Variants in KCTD1 observed in about 807,000 individuals in gnomAD.
KCTD1 encodes the protein potassium channel tetramerization domain containing 1.
A neutral mutation model predicts 66.0 loss-of-function variants in KCTD1; 24 were observed. The ratio of observed to expected loss-of-function variants is 0.36; its 90% CI spans 0.26 to 0.51. The LOEUF is 0.51. Among genes scored for constraint, KCTD1 ranks in the 20% least tolerant of loss-of-function variants. The pLI, the probability that KCTD1 is intolerant of heterozygous loss-of-function variation, is 0.95. For missense variants in KCTD1, 943 were observed against 1,205.2 expected, an observed-to-expected ratio of 0.78 and a Z score of 3.22; for synonymous variants, 511 against 517.2, an observed-to-expected ratio of 0.99 and a Z score of 0.16.
intron 1 of KCTD1, among the ~76,000 whole-genome samples, chr18:26,528,091 CTCTGTG>C (rs1204755639): frequency 6.6e-6 from 1 of 152,186 alleles, no homozygotes; most frequent in African/African-American, 2.4e-5. Flanking sequence ...CATTGGTTCT[CTCTGTG>C]GTCTGAGAAA....
intron 1 of KCTD1, among the ~76,000 whole-genome samples, chr18:26,519,943 T>G (rs1983833832): frequency 6.6e-6 from 1 of 152,184 alleles, no homozygotes; most frequent in South Asian, 2.1e-4. Flanking sequence ...TCAATTCGGT[T>G]CAGTCTTAAT....
chr18:26,545,707 G>C (rs548081128), intron 1 of KCTD1: 2 of 151,914 alleles, frequency 1.3e-5, no homozygotes, highest in Admixed American at 1.3e-4. Flanking sequence ...CCTGGTTTCT[G>C]ACTCCTAGAC....
At chr18:26,528,380 A>C (rs956230984) in intron 1 of KCTD1, among the ~76,000 whole-genome samples, 1 of 152,182 alleles carries the variant, frequency 6.6e-6, no homozygotes, top group Non-Finnish European at 1.5e-5. Context: ...TTCTGAGTTT[A>C]AAGTCTATAA....
At chr18:26,553,927 A>G (rs1985637911) in intron 1 of KCTD1, among the ~76,000 whole-genome samples, 1 of 151,868 alleles carries the variant, frequency 6.6e-6, no homozygotes, top group East Asian at 1.9e-4. Context: ...GAACCACTTG[A>G]CCATATTCAG....
At chr18:26,636,633 A>G (rs960442201) in intron 1 of KCTD1, among the ~76,000 whole-genome samples, 1 of 152,206 alleles carries the variant, frequency 6.6e-6, no homozygotes, top group African/African-American at 2.4e-5. Context: ...CTTTTGCATC[A>G]ACGAATACCT....
At chr18:26,574,468 T>C (rs1986179557) in intron 1 of KCTD1, among the ~76,000 whole-genome samples, 2 of 152,216 alleles carry the variant, frequency 1.3e-5, no homozygotes, top group South Asian at 4.1e-4. Flanking sequence ...CAAAAAGTAA[T>C]TCTCAAGAGC....
intron 1 of KCTD1, among the ~76,000 whole-genome samples, chr18:26,527,082 G>T (rs2144763547): frequency 6.6e-6 from 1 of 152,164 alleles, no homozygotes; most frequent in South Asian, 2.1e-4. Flanking sequence ...AACTTAAAAA[G>T]CCAAAGCTTC....
chr18:26,632,180 T>G (rs1398862316), upstream of KCTD1, among the ~76,000 whole-genome samples: 1 of 150,184 alleles, frequency 6.7e-6, no homozygotes, highest in Non-Finnish European at 1.5e-5. Context: ...AGGTCAGGAG[T>G]TTGAGACCAG....
intron 1 of KCTD1, among the ~76,000 whole-genome samples, chr18:26,568,173 C>T (rs540189763): frequency 5.9e-5 from 9 of 152,284 alleles, no homozygotes; most frequent in South Asian, 2.1e-4. Context: ...GGAATTATCA[C>T]GAGGGAAAGA....
At chr18:26,503,116 G>C (rs917510220) in intron 1 of KCTD1, among the ~76,000 whole-genome samples, 3 of 152,182 alleles carry the variant, frequency 2.0e-5, no homozygotes, top group African/African-American at 7.2e-5. Flanking sequence ...AATTAACAGA[G>C]CCTAGAAACA....
chr18:26,512,498 T>C (rs1489897050), intron 1 of KCTD1, among the ~76,000 whole-genome samples: 1 of 152,108 alleles, frequency 6.6e-6, no homozygotes, highest in African/African-American at 2.4e-5. Flanking sequence ...ACTTACTCTA[T>C]ATAATAAATG....
At position 26,494,086 on chromosome 18, in the gene KCTD1, C is replaced by T. The variant is rs1456492630; in HGVS notation, c.1988+6986G>A. Among the ~76,000 whole-genome samples the T allele has an allele frequency of 2.6e-5, 4 of 152,094 alleles. No homozygotes were observed. In the East Asian group the frequency reaches 5.8e-4, roughly 22 times the overall value. On this transcript the variant is annotated intron_variant, in intron 2 of 4. Coordinates refer to ENST00000580059, the MANE Select transcript of KCTD1 (RefSeq NM_001142730.3). ...TAAGTCTGTTGAAAGAATGAAAGAACGGGCCACGCTCAGTGGTTCACACCT... is the reference window on the plus strand; with the variant it reads ...TAAGTCTGTTGAAAGAATGAAAGAATGGGCCACGCTCAGTGGTTCACACCT...
intron 1 of KCTD1, among the ~76,000 whole-genome samples, chr18:26,619,574 G>C (rs1486370411): frequency 6.6e-6 from 1 of 152,130 alleles, no homozygotes; most frequent in African/African-American, 2.4e-5. Flanking sequence ...ACGTGTTTGG[G>C]GGATGCTGGC....
At chr18:26,550,510 C>G (rs1985513309), upstream of KCTD1, among the ~76,000 whole-genome samples, 1 of 151,300 alleles carries the variant, frequency 6.6e-6, no homozygotes, top group Admixed American at 6.6e-5. This position sits in a 1 kb window ranked among gnomAD's most constrained non-coding sequence, Gnocchi z 5.4. Context: ...CAAGTTAGAG[C>G]AAGTCCCTGC....
chr18:26,549,901 T>A (rs1985483805), upstream of KCTD1: 1 of 689,232 alleles, frequency 1.5e-6, no homozygotes, highest in Non-Finnish European at 1.8e-6. Flanking sequence ...GCGCCCAGGC[T>A]CCGGGCGCGT....
chr18:26,597,732 C>T (rs1202789330), intron 1 of KCTD1, among the ~76,000 whole-genome samples: 1 of 149,906 alleles, frequency 6.7e-6, no homozygotes, highest in Non-Finnish European at 1.5e-5. Context: ...CAGCTCACTG[C>T]AACCTCCACC....
chr18:26,616,001 G>C (rs376665397), intron 1 of KCTD1, among the ~76,000 whole-genome samples: 40 of 152,200 alleles, frequency 2.6e-4, no homozygotes, highest in African/African-American at 9.2e-4. Context: ...ATGTTGGCCA[G>C]GCTGGTCTTG....
intron 1 of KCTD1, among the ~76,000 whole-genome samples, chr18:26,596,583 A>T (rs1192755011): frequency 1.3e-5 from 2 of 152,224 alleles, no homozygotes; most frequent in Non-Finnish European, 2.9e-5. Context: ...TGATGCTTTG[A>T]ATTCAGATAG....
At chr18:26,579,752 G>A (rs1986310217) in intron 1 of KCTD1, among the ~76,000 whole-genome samples, 1 of 152,104 alleles carries the variant, frequency 6.6e-6, no homozygotes. Flanking sequence ...CCACAGCCTG[G>A]GAACAATAAG....
Sources: allele counts gnomAD v4.1 joint callset (sites outside exome capture counted in the v4.1 genomes callset), GRCh38; gene constraint gnomAD v4.1.1; non-coding constraint Gnocchi (gnomAD v3.1); transcripts MANE v1.5; gene names NCBI Gene and HGNC (gene_info 2026-07-23, HGNC 2026-07-21).